Variants in STAG1 observed in about 807,000 individuals in gnomAD.
STAG1 encodes cohesin subunit SA-1.
In STAG1, 26 loss-of-function variants were observed where a neutral mutation model predicts 170.9. That is an observed-to-expected ratio of 0.15 (90% CI 0.11 to 0.21). The LOEUF (loss-of-function observed/expected upper bound fraction) is 0.21, where lower values mean the gene tolerates loss of function less well. Among genes scored for constraint, STAG1 ranks in the 10% least tolerant of loss-of-function variants. The pLI is 1.00. For synonymous variants in STAG1, 514 were observed against 497.7 expected, an observed-to-expected ratio of 1.03 and a Z score of -0.44; for missense variants, 964 against 1,509.5, an observed-to-expected ratio of 0.64 and a Z score of 5.99.
Position 136,633,962 on chromosome 3 carries a change from T to TAAAATAAAAAAAAA in STAG1, c.-83-2982_-83-2981insTTTTTTTTTATTTT, listed in dbSNP as rs1940442298. On this transcript the variant is annotated intron_variant, in intron 1 of 33. Coordinates refer to ENST00000383202, the MANE Select transcript of STAG1 (RefSeq NM_005862.3). Reference sequence around the variant, plus strand: ...AACATGGTGAAACCCTGTCTCTACTTAAAAAAAAAAAAAAAAAAAAAAAAA... The same window carrying TAAAATAAAAAAAAA: ...AACATGGTGAAACCCTGTCTCTACTTAAAATAAAAAAAAAAAAAAAAAAAAAAAAAAAAAAAAAA... Among the ~76,000 whole-genome samples, 2 of 50,346 alleles carry TAAAATAAAAAAAAA rather than the reference T, an allele frequency of 4.0e-5. 1 individual carries two copies. The highest frequency in any genetic ancestry group is 8.5e-5 in the Non-Finnish European group (2 of 23,598). The allele number at this position is 50,346 out of a possible 152,430, so 33.0% of individuals were successfully genotyped here. A position where few individuals can be genotyped will look rare whatever the true frequency, so the allele number is the denominator to read the frequency against.
intron 4 of STAG1, among the ~76,000 whole-genome samples, chr3:136,588,083 T>C (rs1234389658): frequency 6.6e-6 from 1 of 152,240 alleles, no homozygotes; most frequent in East Asian, 1.9e-4. Context: ...TATGTTAACA[T>C]CTTTCCCTCA....
chr3:136,520,658 A>C (rs2107904218), intron 7 of STAG1, among the ~76,000 whole-genome samples: 1 of 152,282 alleles, frequency 6.6e-6, no homozygotes, highest in East Asian at 1.9e-4. Context: ...AAAAGTGAAA[A>C]CTAATCTGTT....
rs1474352943 is a variant in STAG1 at position 136,377,684 on chromosome 3, A to G, written c.2346T>C (p.Asn782=). 4 of 1,613,978 alleles carry G rather than the reference A, an allele frequency of 2.5e-6. No individual in the cohort carries two copies. The highest frequency in any genetic ancestry group is 3.4e-6 in the Non-Finnish European group (4 of 1,179,958). ...CCTGTTCTTTCACTGGAGTATTAACATTAGACAGGCACTGCTGGCAAACAG... is the reference window on the plus strand; with the variant it reads ...CCTGTTCTTTCACTGGAGTATTAACGTTAGACAGGCACTGCTGGCAAACAG... ...FLAVCQQCLS[N]VNTPVKEQAF... The change falls in exon 23 of 34, where the codon AAT becomes AAC. Residue 782 remains asparagine (N), a synonymous_variant. Coordinates refer to ENST00000383202, the MANE Select transcript of STAG1 (RefSeq NM_005862.3).
At chr3:136,372,359 G>T (rs1288521369) in intron 23 of STAG1, among the ~76,000 whole-genome samples, 1 of 152,108 alleles carries the variant, frequency 6.6e-6, no homozygotes, top group African/African-American at 2.4e-5. Flanking sequence ...CTGCCTGACT[G>T]CCCGGACCAG....
chr3:136,480,874 T>C (rs1463317948), intron 9 of STAG1, among the ~76,000 whole-genome samples: 1 of 140,694 alleles, frequency 7.1e-6, no homozygotes, highest in East Asian at 2.3e-4. Context: ...GGTTTGGCTC[T>C]CTGTTTGTCT....
intron 3 of STAG1, among the ~76,000 whole-genome samples, chr3:136,620,626 G>GA (rs1467565755): frequency 1.3e-5 from 2 of 152,174 alleles, no homozygotes; most frequent in African/African-American, 2.4e-5. Context: ...GCTCAAAGTA[G>GA]AAATTCAGGA....
intron 6 of STAG1, among the ~76,000 whole-genome samples, chr3:136,539,468 C>T (rs1287626233): frequency 3.3e-5 from 5 of 152,108 alleles, no homozygotes; most frequent in Admixed American, 6.6e-5. Flanking sequence ...GAATTAAAGG[C>T]ACTAAATGAA....
intron 1 of STAG1, among the ~76,000 whole-genome samples, chr3:136,660,507 AC>A (rs1411355251): frequency 6.6e-6 from 1 of 152,250 alleles, no homozygotes; most frequent in East Asian, 1.9e-4. Flanking sequence ...GGATAATTAG[AC>A]AAAACATACT....
chr3:136,470,988 T>TCGGGGGA (rs2089611431), intron 12 of STAG1, among the ~76,000 whole-genome samples: 1 of 96,360 alleles, frequency 1.0e-5, no homozygotes, highest in Non-Finnish European at 2.1e-5. Flanking sequence ...TGTTGTGGGG[T>TCGGGGGA]GGGGGGAGGG....
At chr3:136,529,715 T>A (rs1935271555) in intron 6 of STAG1, among the ~76,000 whole-genome samples, 1 of 151,916 alleles carries the variant, frequency 6.6e-6, no homozygotes, top group African/African-American at 2.4e-5. Context: ...AAAGTATAAG[T>A]CTCACTGGTA....
chr3:136,672,024 C>CA (rs1302626154), intron 1 of STAG1, among the ~76,000 whole-genome samples: 1 of 152,210 alleles, frequency 6.6e-6, no homozygotes, highest in Non-Finnish European at 1.5e-5. Flanking sequence ...TGAACTGACT[C>CA]ACATAACCAA....
chr3:136,531,897 A>T (rs1427913228), intron 6 of STAG1, among the ~76,000 whole-genome samples: 1 of 145,944 alleles, frequency 6.9e-6, no homozygotes, highest in Non-Finnish European at 1.5e-5. Context: ...GTACCCTAAA[A>T]CTTAAAGTAT....
intron 5 of STAG1, among the ~76,000 whole-genome samples, chr3:136,565,653 C>A (rs1190675268): frequency 6.6e-6 from 1 of 152,146 alleles, no homozygotes; most frequent in South Asian, 2.1e-4. Context: ...AATTATTATA[C>A]GACCTAGCAA....
rs140410876 is a variant in STAG1 at position 136,394,118 on chromosome 3, G to C, written c.2277+4631C>G. 1.3e-3 allele frequency among the ~76,000 whole-genome samples: 192 copies of C among 152,212 alleles called. 1 individual carries two copies. The highest frequency in any genetic ancestry group is 4.2e-3 in the African/African-American group (176 of 41,530). The stretch of plus-strand genomic sequence containing the variant: ...AGACGGGGTTTCGCCATGTTGGTTA[G>C]GATAATCTCTATCTCTTGACCTCGT... On this transcript the variant is annotated intron_variant, in intron 22 of 33. Transcript: ENST00000383202.
intron 1 of STAG1, among the ~76,000 whole-genome samples, chr3:136,665,931 C>T (rs573559987): frequency 8.6e-5 from 13 of 151,024 alleles, no homozygotes; most frequent in Admixed American, 4.0e-4. Context: ...AAAAATTAGC[C>T]GGGTGAGGTG....
At chr3:136,455,399 C>A (rs1225752689) in intron 13 of STAG1, among the ~76,000 whole-genome samples, 1 of 152,174 alleles carries the variant, frequency 6.6e-6, no homozygotes, top group East Asian at 1.9e-4. Context: ...TGGCAAAACT[C>A]AAAGAGAATT....
chr3:136,359,315 G>A lies in STAG1; in HGVS notation c.2788-19C>T, dbSNP rs863890. 1.3e-6 allele frequency: 2 copies of A among 1,538,040 alleles called. No homozygotes were observed. The highest frequency in any genetic ancestry group is 1.4e-5 in the African/African-American group (1 of 71,828). ...TAAATAACTGATAGAAAGAAAAAAA[G>A]AAGAAAAAACCTATAGCTCAGAATT... On this transcript the variant is annotated intron_variant, in intron 26 of 33. Transcript: ENST00000383202.
chr3:136,489,000 G>A (rs1281238852), intron 9 of STAG1, among the ~76,000 whole-genome samples: 4 of 152,078 alleles, frequency 2.6e-5, no homozygotes, highest in African/African-American at 9.7e-5. Flanking sequence ...AAAATAGTAA[G>A]ACAAGAGGAA....
chr3:136,542,886 GC>G (rs1240773048), intron 5 of STAG1, among the ~76,000 whole-genome samples: 1 of 152,066 alleles, frequency 6.6e-6, no homozygotes, highest in African/African-American at 2.4e-5. Flanking sequence ...TTAGCAACTT[GC>G]AAAAAAAGTT....
Sources: allele counts gnomAD v4.1 joint callset (sites outside exome capture counted in the v4.1 genomes callset), GRCh38; gene constraint gnomAD v4.1.1; transcripts MANE v1.5; gene names NCBI Gene and HGNC (gene_info 2026-07-23, HGNC 2026-07-21).